EYA2: variants seen among roughly 807,000 people sequenced by gnomAD.
The protein encoded by EYA2 is EYA transcriptional coactivator and phosphatase 2, also known as protein phosphatase EYA2.
Under a neutral mutation model 69.2 loss-of-function variants are expected in EYA2, and 31 were observed. The ratio of observed to expected loss-of-function variants is 0.45; its 90% CI spans 0.34 to 0.60. The LOEUF (loss-of-function observed/expected upper bound fraction) is 0.60. Ranked by LOEUF, EYA2 falls within the 20% of genes least tolerant of loss-of-function variation. EYA2 has a pLI of 0.02. For missense variants in EYA2, 622 were observed against 701.2 expected (o/e 0.89, Z 1.28); for synonymous variants, 257 against 279.4 (o/e 0.92, Z 0.80).
chr20:47,018,635 G>C (rs1983556434), intron 5 of EYA2, among the ~76,000 whole-genome samples: 2 of 152,306 alleles, frequency 1.3e-5, no homozygotes, highest in South Asian at 4.1e-4. Context: ...AAGAGCAAAG[G>C]CCCCGCGGCA....
chr20:47,081,300 TGAGA>T (rs775324663), intron 7 of EYA2, among the ~76,000 whole-genome samples: 2 of 152,100 alleles, frequency 1.3e-5, no homozygotes, highest in African/African-American at 4.8e-5. Context: ...TGAAACTTGC[TGAGA>T]GAGTAGATTT....
intron 1 of EYA2, among the ~76,000 whole-genome samples, chr20:46,960,634 A>C (rs889484805): frequency 6.6e-6 from 1 of 152,188 alleles, no homozygotes; most frequent in African/African-American, 2.4e-5. Context: ...GGCCAAATCC[A>C]ATCCACTGCC....
chr20:46,968,143 C>A (rs577733952), intron 1 of EYA2, among the ~76,000 whole-genome samples: 24 of 152,314 alleles, frequency 1.6e-4, no homozygotes, highest in African/African-American at 5.5e-4. Flanking sequence ...AGTTGTGTTT[C>A]TTAGAAATGT....
At chr20:46,979,058 T>A (rs1980644243) in intron 1 of EYA2, among the ~76,000 whole-genome samples, 1 of 152,260 alleles carries the variant, frequency 6.6e-6, no homozygotes, top group African/African-American at 2.4e-5. Flanking sequence ...CCGTGAAGGA[T>A]GCTGGGAGTG....
At chr20:47,134,489 G>C (rs2033412819) in intron 9 of EYA2, among the ~76,000 whole-genome samples, 2 of 152,120 alleles carry the variant, frequency 1.3e-5, no homozygotes, top group Admixed American at 1.3e-4. Context: ...ATGGTTTTAA[G>C]CACTTAAACA....
intron 1 of EYA2, among the ~76,000 whole-genome samples, chr20:46,897,300 A>C (rs1390987859): frequency 1.3e-5 from 2 of 152,206 alleles, no homozygotes; most frequent in East Asian, 1.9e-4. Context: ...AGCTAAGTAC[A>C]TTTTGAATTA....
Position 47,170,417 on chromosome 20 carries a change from C to T in EYA2, c.1037+1220C>T, listed in dbSNP as rs575022658. On this transcript the variant is annotated intron_variant, in intron 11 of 15. Transcript: ENST00000327619. ...ATCCCAGCACTTTGGGAGGCCAAGG[C>T]GCAAGGATCACCTGAGGTCAGGAGT... 3.9e-4 allele frequency among the ~76,000 whole-genome samples: 59 copies of T among 151,848 alleles called. 1 individual carries two copies. Among genetic ancestry groups the T allele is most frequent in the African/African-American group, 1.3e-3 (54 of 41,478 alleles).
chr20:47,069,850 A>T (rs966764548), intron 5 of EYA2, among the ~76,000 whole-genome samples: 3 of 132,046 alleles, frequency 2.3e-5, no homozygotes, highest in Non-Finnish European at 4.7e-5. Flanking sequence ...ACACATATAC[A>T]TACATATATA....
At chr20:47,101,659 G>A (rs2032426647) in intron 9 of EYA2, among the ~76,000 whole-genome samples, 1 of 152,152 alleles carries the variant, frequency 6.6e-6, no homozygotes, top group Non-Finnish European at 1.5e-5. Context: ...AAACTGATGA[G>A]GAAACATAAA....
At chr20:47,085,646 A>G (rs1183239288) in intron 7 of EYA2, among the ~76,000 whole-genome samples, 2 of 146,824 alleles carry the variant, frequency 1.4e-5, no homozygotes, top group African/African-American at 5.1e-5. Flanking sequence ...CTCTGTCTCA[A>G]AAAAAAAAAA....
intron 10 of EYA2, among the ~76,000 whole-genome samples, chr20:47,165,202 G>A (rs2034157222): frequency 6.6e-6 from 1 of 152,192 alleles, no homozygotes; most frequent in African/African-American, 2.4e-5. Context: ...TTCTTTCAAT[G>A]TGGAGGGTAT....
chr20:47,140,241 G>A lies in EYA2; in HGVS notation c.889-2818G>A, dbSNP rs11907904. ...CACACACGATTCCCTCCTAGGCCCT[G>A]AGAAGTTTGTTTTCCTCATTTGCTC... On this transcript the variant is annotated intron_variant, in intron 9 of 15. Coordinates refer to ENST00000327619, the MANE Select transcript of EYA2 (RefSeq NM_005244.5). 3.5e-3 allele frequency among the ~76,000 whole-genome samples: 531 copies of A among 152,280 alleles called. 6 individuals are homozygous for A. Among genetic ancestry groups the A allele is most frequent in the African/African-American group, 0.012 (486 of 41,546 alleles).
chr20:47,036,066 C>T (rs1210648008), intron 5 of EYA2, among the ~76,000 whole-genome samples: 1 of 152,122 alleles, frequency 6.6e-6, no homozygotes, highest in Non-Finnish European at 1.5e-5. Flanking sequence ...GACCACGGAC[C>T]AGGCTGAGCA....
chr20:47,002,609 A>T (rs1027551929), intron 3 of EYA2, among the ~76,000 whole-genome samples: 27 of 152,176 alleles, frequency 1.8e-4, no homozygotes, highest in Admixed American at 1.8e-3. Context: ...TCTATCATTG[A>T]TGGGCATTTG....
At chr20:47,004,693 G>C (rs1982591913) in intron 3 of EYA2, among the ~76,000 whole-genome samples, 1 of 152,186 alleles carries the variant, frequency 6.6e-6, no homozygotes, top group Non-Finnish European at 1.5e-5. Context: ...GTGGCTTACA[G>C]CATATCTGCT....
At chr20:46,995,670 G>A (rs1443497912) in intron 2 of EYA2, among the ~76,000 whole-genome samples, 3 of 152,224 alleles carry the variant, frequency 2.0e-5, no homozygotes, top group African/African-American at 4.8e-5. Context: ...TCTCACTGGG[G>A]GATCCCTTAG....
chr20:46,960,470 G>A (rs1347308496), intron 1 of EYA2, among the ~76,000 whole-genome samples: 3 of 152,154 alleles, frequency 2.0e-5, no homozygotes, highest in Non-Finnish European at 4.4e-5. Flanking sequence ...GCAGCGCTAT[G>A]GACTAGAAAC....
At chr20:46,962,176 A>G (rs1233794111) in intron 1 of EYA2, among the ~76,000 whole-genome samples, 4 of 152,158 alleles carry the variant, frequency 2.6e-5, no homozygotes, top group African/African-American at 9.7e-5. Flanking sequence ...CTATAGGCAC[A>G]TGCCACCACA....
intron 10 of EYA2, among the ~76,000 whole-genome samples, chr20:47,157,495 C>A (rs775617220): frequency 4.6e-5 from 7 of 151,350 alleles, no homozygotes; most frequent in Non-Finnish European, 7.4e-5. Context: ...TTGGAAAGAC[C>A]GTTAAAATAG....
Sources: gnomAD v4.1 joint callset for allele counts (sites outside exome capture counted in the v4.1 genomes callset) on GRCh38, gnomAD v4.1.1 for gene constraint, MANE v1.5 for transcripts, NCBI Gene and HGNC (gene_info 2026-07-23, HGNC 2026-07-21) for gene names.